The following DCC variants were observed in gnomAD, a reference collection of about 807,000 sequenced individuals.
DCC encodes netrin receptor DCC.
A neutral mutation model predicts 172.5 loss-of-function variants in DCC; 58 were observed. The ratio of observed to expected loss-of-function variants is 0.34; its 90% CI spans 0.27 to 0.42. The LOEUF (loss-of-function observed/expected upper bound fraction) is 0.42. DCC is among the 10% of genes least tolerant of loss of function. The pLI is 1.00. For missense variants in DCC, 1,740 were observed against 1,791.0 expected (o/e 0.97, Z 0.51); for synonymous variants, 709 against 644.5 (o/e 1.10, Z -1.52).
chr18:52,889,904 T>C (rs1285720225), intron 2 of DCC, among the ~76,000 whole-genome samples: 1 of 152,120 alleles, frequency 6.6e-6, no homozygotes, highest in Non-Finnish European at 1.5e-5. Context: ...AAAATAATTC[T>C]TACTGTGATC....
chr18:53,006,927 A>C (rs1048834732), intron 5 of DCC, among the ~76,000 whole-genome samples: 3 of 152,194 alleles, frequency 2.0e-5, no homozygotes, highest in African/African-American at 7.2e-5. Context: ...ATGGATTCCA[A>C]AGAGATTGCT....
intron 21 of DCC, among the ~76,000 whole-genome samples, chr18:53,419,619 G>A (rs367791654): frequency 3.9e-5 from 6 of 152,028 alleles, no homozygotes; most frequent in African/African-American, 1.4e-4. Flanking sequence ...AAAATGAACC[G>A]CTATGCAGCT....
chr18:52,919,408 C>G (rs2040086622), intron 3 of DCC, among the ~76,000 whole-genome samples: 1 of 152,166 alleles, frequency 6.6e-6, no homozygotes, highest in African/African-American at 2.4e-5. Context: ...TTTGGGGGAA[C>G]TTTCTTACTA....
chr18:52,886,376 A>C (rs545919583), intron 2 of DCC, among the ~76,000 whole-genome samples: 1 of 152,106 alleles, frequency 6.6e-6, no homozygotes, highest in African/African-American at 2.4e-5. Flanking sequence ...GGCTCGTCCA[A>C]ATTCTCTGTC....
At chr18:53,226,948 A>ATATATATATATATGTATTTTTTTTTTT in intron 12 of DCC, among the ~76,000 whole-genome samples, 1 of 52,950 alleles carries the variant, frequency 1.9e-5, no homozygotes, top group Non-Finnish European at 4.0e-5. Flanking sequence ...ATATATATAT[A>ATATATATATATATGTATTTTTTTTTTT]TTTTTTTTTT....
At chr18:53,495,398 A>AAG (rs1412355339) in intron 26 of DCC, among the ~76,000 whole-genome samples, 1 of 151,010 alleles carries the variant, frequency 6.6e-6, no homozygotes, top group Non-Finnish European at 1.5e-5. Context: ...TCAAAAAAAA[A>AAG]AAAAAAAAGA....
At chr18:52,427,815 T>C (rs374315841) in intron 1 of DCC, among the ~76,000 whole-genome samples, 17 of 113,098 alleles carry the variant, frequency 1.5e-4, no homozygotes, top group East Asian at 9.7e-4. Flanking sequence ...TTTCTTCCTT[T>C]CTTCCTTCCT....
chr18:52,872,706 C>T (rs1479967986), intron 2 of DCC, among the ~76,000 whole-genome samples: 2 of 152,126 alleles, frequency 1.3e-5, no homozygotes, highest in Admixed American at 6.5e-5. Flanking sequence ...AATGCAAAGA[C>T]TTTGGTCATG....
chr18:53,326,353 G>C (rs1426912891), intron 14 of DCC, among the ~76,000 whole-genome samples: 7 of 152,162 alleles, frequency 4.6e-5, no homozygotes, highest in Admixed American at 4.6e-4. Flanking sequence ...TGTGGGATGT[G>C]TATGTTTTAC....
At chr18:52,911,883 C>T (rs932264616) in intron 3 of DCC, among the ~76,000 whole-genome samples, 4 of 151,880 alleles carry the variant, frequency 2.6e-5, no homozygotes, top group Admixed American at 6.6e-5. Context: ...TTGTGCTCCT[C>T]TCATATATAC....
chr18:52,623,715 T>G (rs900999180), intron 1 of DCC, among the ~76,000 whole-genome samples: 3 of 152,160 alleles, frequency 2.0e-5, no homozygotes, highest in Non-Finnish European at 4.4e-5. Context: ...TTCCCCCTTA[T>G]GTTCTATTTT....
intron 1 of DCC, among the ~76,000 whole-genome samples, chr18:52,394,173 C>G (rs1262072724): frequency 6.6e-6 from 1 of 152,060 alleles, no homozygotes; most frequent in Non-Finnish European, 1.5e-5. Flanking sequence ...CTCCTATACC[C>G]AAGGCATCCT....
chr18:53,063,705 A>G, intron 6 of DCC: 1 of 440,880 alleles, frequency 2.3e-6, no homozygotes, highest in Non-Finnish European at 4.1e-6. Context: ...ACAAACAAAA[A>G]TAAATGAAAT....
chr18:53,335,062 C>G (rs2057576476), intron 14 of DCC, among the ~76,000 whole-genome samples: 1 of 152,160 alleles, frequency 6.6e-6, no homozygotes, highest in Non-Finnish European at 1.5e-5. Context: ...CTGGCTGACT[C>G]TCTTTTTATC....
intron 1 of DCC, among the ~76,000 whole-genome samples, chr18:52,718,814 C>T (rs1308709189): frequency 2.0e-5 from 3 of 152,096 alleles, no homozygotes; most frequent in South Asian, 2.1e-4. Flanking sequence ...GTTTCTTCTT[C>T]GGTAACTTTG....
intron 23 of DCC, among the ~76,000 whole-genome samples, chr18:53,453,079 C>G (rs1444313756): frequency 2.0e-5 from 3 of 152,060 alleles, no homozygotes; most frequent in Non-Finnish European, 4.4e-5. Context: ...CCACGCCCAG[C>G]TAATTTCTTG....
At chr18:53,091,855 C>CTA (rs1460616255) in intron 7 of DCC, among the ~76,000 whole-genome samples, 4 of 67,934 alleles carry the variant, frequency 5.9e-5, no homozygotes, top group African/African-American at 2.6e-4. Flanking sequence ...ATCTATCAAT[C>CTA]TATCTATATA....
intron 8 of DCC, among the ~76,000 whole-genome samples, chr18:53,161,400 A>C (rs1290375643): frequency 1.3e-5 from 2 of 152,074 alleles, no homozygotes; most frequent in Non-Finnish European, 2.9e-5. Flanking sequence ...CTGGCTACTC[A>C]TTTTCAGGCT....
intron 2 of DCC, among the ~76,000 whole-genome samples, chr18:52,793,030 G>T (rs981350532): frequency 6.7e-6 from 1 of 149,434 alleles, no homozygotes. Flanking sequence ...AGGAGCTCTT[G>T]TGTGTGAGAG....
Sources: allele counts gnomAD v4.1 joint callset (sites outside exome capture counted in the v4.1 genomes callset), GRCh38; gene constraint gnomAD v4.1.1; transcripts MANE v1.5; gene names NCBI Gene and HGNC (gene_info 2026-07-23, HGNC 2026-07-21).